MDFIC2: variants seen among roughly 807,000 people sequenced by gnomAD.
MDFIC2 encodes the protein MyoD family inhibitor domain containing 2, also known as myoD family inhibitor domain-containing protein 2.
chr3:70,252,253 T>C (rs1701776284), intron 2 of MDFIC2, among the ~76,000 whole-genome samples: 1 of 152,212 alleles, frequency 6.6e-6, no homozygotes, highest in Non-Finnish European at 1.5e-5. Flanking sequence ...TCTTATCCAA[T>C]GTATGACTTA....
intron 2 of MDFIC2, among the ~76,000 whole-genome samples, chr3:70,284,560 T>C (rs556228717): frequency 1.2e-4 from 18 of 152,266 alleles, no homozygotes; most frequent in East Asian, 1.9e-4. Flanking sequence ...CGGAATACTA[T>C]GCAGCCATAA....
At chr3:70,221,779 G>A (rs1002684401) in intron 2 of MDFIC2, among the ~76,000 whole-genome samples, 2 of 152,100 alleles carry the variant, frequency 1.3e-5, no homozygotes, top group East Asian at 1.9e-4. Context: ...TGATTATATC[G>A]AGCATCATTG....
intron 2 of MDFIC2, among the ~76,000 whole-genome samples, chr3:70,297,736 G>A (rs2106698957): frequency 6.6e-6 from 1 of 152,090 alleles, no homozygotes; most frequent in South Asian, 2.1e-4. Flanking sequence ...TGGGGTATGT[G>A]TTAAGAAGTC....
chr3:70,200,965 G>A (rs1014122116), intron 3 of MDFIC2, among the ~76,000 whole-genome samples: 3 of 151,532 alleles, frequency 2.0e-5, no homozygotes, highest in African/African-American at 7.3e-5. Context: ...ACTTTTTTTG[G>A]GGTGGGGGTG....
chr3:70,240,294 A>G (rs1309051484), intron 2 of MDFIC2, among the ~76,000 whole-genome samples: 1 of 152,066 alleles, frequency 6.6e-6, no homozygotes, highest in African/African-American at 2.4e-5. Flanking sequence ...CTTGGGGAAA[A>G]AAAACAGTAG....
chr3:70,255,966 A>G (rs1385394402), intron 2 of MDFIC2, among the ~76,000 whole-genome samples: 2 of 152,208 alleles, frequency 1.3e-5, no homozygotes, highest in Non-Finnish European at 2.9e-5. Context: ...CACGTAATTG[A>G]AAATCAAGAT....
intron 2 of MDFIC2, among the ~76,000 whole-genome samples, chr3:70,294,438 A>G (rs1702270781): frequency 6.6e-6 from 1 of 152,160 alleles, no homozygotes; most frequent in Non-Finnish European, 1.5e-5. Flanking sequence ...AGAAAGGAAT[A>G]AGAAACCATA....
chr3:70,232,002 C>T (rs1326364527), intron 2 of MDFIC2, among the ~76,000 whole-genome samples: 1 of 152,168 alleles, frequency 6.6e-6, no homozygotes, highest in Non-Finnish European at 1.5e-5. Flanking sequence ...GCTCCTTCCA[C>T]CCTTCTTCCC....
chr3:70,206,091 C>T (rs929383582), intron 3 of MDFIC2, among the ~76,000 whole-genome samples: 4 of 151,890 alleles, frequency 2.6e-5, no homozygotes, highest in Admixed American at 6.6e-5. Context: ...CCAGGGGAAC[C>T]ACTCCTTTCT....
At position 70,273,602 on chromosome 3, in the gene MDFIC2, T is replaced by A. The variant is rs186633187; in HGVS notation, c.88+38284A>T. Among the ~76,000 whole-genome samples, 80 of 152,068 alleles carry A rather than the reference T, an allele frequency of 5.3e-4. No individual in the cohort carries two copies. In the East Asian group the frequency reaches 0.015, roughly 28 times the overall value. On this transcript the variant is annotated intron_variant, in intron 2 of 3. Transcript: ENST00000567252. ...AAAAAAAAGAAATGCAGGTCTTGTG[T>A]TTGGTTTATAAGAGCATTTTGACAG...
chr3:70,252,788 T>C (rs543320280), intron 2 of MDFIC2, among the ~76,000 whole-genome samples: 1 of 151,786 alleles, frequency 6.6e-6, no homozygotes, highest in African/African-American at 2.4e-5. Flanking sequence ...AAAAAGAAAA[T>C]CAAAAAGAAG....
intron 2 of MDFIC2, among the ~76,000 whole-genome samples, chr3:70,214,870 A>G (rs1701390644): frequency 6.6e-6 from 1 of 152,028 alleles, no homozygotes. Flanking sequence ...AGAAATAAAG[A>G]TTATGTTATC....
intron 3 of MDFIC2, among the ~76,000 whole-genome samples, chr3:70,201,293 T>G (rs1056014551): frequency 7.9e-5 from 12 of 152,118 alleles, no homozygotes; most frequent in African/African-American, 2.4e-4. Context: ...TGAGAACATG[T>G]GGTGTTTGGT....
chr3:70,214,879 T>C (rs1343191462), intron 2 of MDFIC2, among the ~76,000 whole-genome samples: 1 of 152,038 alleles, frequency 6.6e-6, no homozygotes, highest in East Asian at 1.9e-4. Flanking sequence ...GATTATGTTA[T>C]CTGAGAAAAA....
chr3:70,262,681 G>A (rs1357158884), intron 2 of MDFIC2, among the ~76,000 whole-genome samples: 8 of 152,142 alleles, frequency 5.3e-5, no homozygotes, highest in Admixed American at 2.0e-4. Context: ...AACAGGGTTG[G>A]CGCATGCACC....
At chr3:70,289,123 G>C (rs1702199529) in intron 2 of MDFIC2, among the ~76,000 whole-genome samples, 1 of 151,310 alleles carries the variant, frequency 6.6e-6, no homozygotes, top group Non-Finnish European at 1.5e-5. Flanking sequence ...TGGTGATTTT[G>C]CTCGTTAGTT....
chr3:70,281,728 C>T (rs1575614470), intron 2 of MDFIC2, among the ~76,000 whole-genome samples: 4 of 152,274 alleles, frequency 2.6e-5, no homozygotes, highest in African/African-American at 2.4e-5. Context: ...TCCTTCTCGT[C>T]TTTGGAATTC....
At chr3:70,261,972 T>C (rs1396477238) in intron 2 of MDFIC2, among the ~76,000 whole-genome samples, 2 of 152,174 alleles carry the variant, frequency 1.3e-5, no homozygotes, top group Non-Finnish European at 2.9e-5. Context: ...CACTTCTGCA[T>C]ACCAACCTGT....
chr3:70,289,337 A>T (rs200541023), intron 2 of MDFIC2, among the ~76,000 whole-genome samples: 7,992 of 151,194 alleles, frequency 0.053, 524 homozygotes, highest in East Asian at 0.36. Flanking sequence ...TTGGCTGGAT[A>T]TGAAATTCTG....
Sources: allele counts gnomAD v4.1 joint callset (sites outside exome capture counted in the v4.1 genomes callset), GRCh38; gene constraint gnomAD v4.1.1; transcripts MANE v1.5; gene names NCBI Gene and HGNC (gene_info 2026-07-23, HGNC 2026-07-21).